Variants in FBLN2 observed in about 807,000 individuals in gnomAD.
FBLN2 encodes fibulin-2.
Under a neutral mutation model 123.7 loss-of-function variants are expected in FBLN2, and 81 were observed. That is an observed-to-expected ratio of 0.65 (90% CI 0.55 to 0.79). The LOEUF is 0.79. Ranked by LOEUF, FBLN2 falls within the 30% of genes least tolerant of loss-of-function variation. FBLN2 has a pLI of 0.00. For missense variants in FBLN2, 1,603 were observed against 1,681.3 expected, an observed-to-expected ratio of 0.95 and a Z score of 0.81; for synonymous variants, 699 against 701.4, an observed-to-expected ratio of 1.00 and a Z score of 0.05.
At chr3:13,549,456 G>A (rs1703264314) in intron 1 of FBLN2, among the ~76,000 whole-genome samples, 1 of 151,758 alleles carries the variant, frequency 6.6e-6, no homozygotes, top group African/African-American at 2.4e-5. Context: ...CGCGGGGTGG[G>A]GGCCAGGGGT....
At chr3:13,615,447 G>T (rs1301837000) in intron 5 of FBLN2, among the ~76,000 whole-genome samples, 2 of 152,212 alleles carry the variant, frequency 1.3e-5, no homozygotes, top group Non-Finnish European at 2.9e-5. Flanking sequence ...CACAGATGAG[G>T]TCCTGGTATC....
rs552499671 is a variant in FBLN2 at position 13,625,876 on chromosome 3, T to G, written c.2297-569T>G. ...CACCCTCTTTCTCCCTTCCCTCCCC[T>G]GCAGCACACCCACCTCCTGGTGGGC... On this transcript the variant is annotated intron_variant, in intron 9 of 17. Coordinates refer to ENST00000404922, the MANE Select transcript of FBLN2 (RefSeq NM_001004019.2). Among the ~76,000 whole-genome samples the G allele has an allele frequency of 1.2e-4, 18 of 151,728 alleles. No individual in the cohort carries two copies. The East Asian group carries it at 3.3e-3, about 28-fold the overall frequency.
intron 1 of FBLN2, among the ~76,000 whole-genome samples, chr3:13,554,608 G>A (rs933126222): frequency 6.6e-6 from 1 of 152,258 alleles, no homozygotes; most frequent in African/African-American, 2.4e-5. Flanking sequence ...AGTCCTCGTG[G>A]TGGTTGGTGT....
intron 1 of FBLN2, among the ~76,000 whole-genome samples, chr3:13,567,682 C>A (rs1023902241): frequency 3.3e-5 from 5 of 150,770 alleles, no homozygotes; most frequent in African/African-American, 1.2e-4. Context: ...TTAAAAGACA[C>A]TGTCAGCTGG....
chr3:13,582,970 C>T (rs1041091128), intron 2 of FBLN2, among the ~76,000 whole-genome samples: 1 of 152,374 alleles, frequency 6.6e-6, no homozygotes. Context: ...GGGGCCGTTC[C>T]GCTGCTATGT....
intron 4 of FBLN2, among the ~76,000 whole-genome samples, chr3:13,612,623 C>T (rs1159427712): frequency 4.0e-5 from 5 of 124,538 alleles, no homozygotes; most frequent in African/African-American, 1.7e-4. Context: ...CCTCGTGATC[C>T]ACCCACCTCG....
At chr3:13,601,158 T>C (rs76435802) in intron 2 of FBLN2, among the ~76,000 whole-genome samples, 4,713 of 152,302 alleles carry the variant, frequency 0.031, 227 homozygotes, top group African/African-American at 0.11. Flanking sequence ...TTGCTAGCGC[T>C]GCTATATTTC....
intron 1 of FBLN2, among the ~76,000 whole-genome samples, chr3:13,562,337 A>G (rs919887348): frequency 1.0e-4 from 15 of 149,744 alleles, no homozygotes; most frequent in African/African-American, 2.9e-4. Context: ...TTGGTAAAAT[A>G]TACGTAACAT....
chr3:13,603,739 T>C (rs1705115726), intron 2 of FBLN2, among the ~76,000 whole-genome samples: 1 of 152,238 alleles, frequency 6.6e-6, no homozygotes, highest in Non-Finnish European at 1.5e-5. Context: ...TATAATCCTT[T>C]GGGTATATAC....
chr3:13,572,787 G>T (rs1704005875), intron 2 of FBLN2, among the ~76,000 whole-genome samples: 1 of 152,276 alleles, frequency 6.6e-6, no homozygotes, highest in African/African-American at 2.4e-5. Context: ...CTGCTAAGCA[G>T]GGGCCACAGC....
chr3:13,603,821 CA>C (rs1324522469), intron 2 of FBLN2, among the ~76,000 whole-genome samples: 4 of 152,240 alleles, frequency 2.6e-5, no homozygotes, highest in African/African-American at 9.7e-5. Context: ...TACTGTCTTC[CA>C]CAATGGTTGA....
intron 2 of FBLN2, among the ~76,000 whole-genome samples, chr3:13,581,365 G>A (rs1704321715): frequency 6.6e-6 from 1 of 152,142 alleles, no homozygotes; most frequent in Non-Finnish European, 1.5e-5. Context: ...CCTGGACGGA[G>A]GTGTTATTTT....
In FBLN2 at chr3:13,608,181, G is replaced by A. The variant is rs1157902860; in HGVS notation, c.1418+8G>A. ...TGAGGACAACGTCTGCAGGTAGGGT[G>A]GGCTCCCTGGAGCAGGCGGAGCTGC... is the stretch of plus-strand genomic sequence containing the variant. On this transcript the variant is annotated splice_region_variant and intron_variant, in intron 3 of 17. Coordinates refer to ENST00000404922, the MANE Select transcript of FBLN2 (RefSeq NM_001004019.2). 1 of 1,564,670 alleles carries A rather than the reference G, an allele frequency of 6.4e-7. No homozygotes were observed. Among genetic ancestry groups the A allele is most frequent in the Non-Finnish European group, 8.7e-7 (1 of 1,152,334 alleles).
intron 1 of FBLN2, among the ~76,000 whole-genome samples, chr3:13,550,081 T>G (rs1367519356): frequency 6.6e-6 from 1 of 152,180 alleles, no homozygotes; most frequent in African/African-American, 2.4e-5. Flanking sequence ...TCACAAACAC[T>G]GGGAGTGCCA....
At chr3:13,609,692 G>GGGGT in intron 4 of FBLN2, 50 bp downstream of exon 4, 6 of 508,388 alleles carry the variant, frequency 1.2e-5, no homozygotes, top group East Asian at 6.4e-5. Flanking sequence ...GGCGGGGCGG[G>GGGGT]AGGCTGGCCT....
At chr3:13,568,921 A>T (rs921429167) in intron 1 of FBLN2, 2 of 985,580 alleles carry the variant, frequency 2.0e-6, no homozygotes, top group Non-Finnish European at 2.4e-6. Flanking sequence ...GGTGCAGAGG[A>T]GGCGTTCCTT....
In FBLN2 at chr3:13,590,642, TC is replaced by T. The variant is rs200873031; in HGVS notation, c.1307-17419del. 3.5e-3 allele frequency among the ~76,000 whole-genome samples: 534 copies of T among 152,308 alleles called. 6 individuals are homozygous for T. Among genetic ancestry groups the T allele is most frequent in the African/African-American group, 0.012 (509 of 41,562 alleles). On this transcript the variant is annotated intron_variant, in intron 2 of 17. Transcript: ENST00000404922. The stretch of plus-strand genomic sequence containing the variant: ...TGCCCAGCCCTGTTTTGTTTTCTGT[TC>T]TTGAATTTATTTTGAATGATGGGAA...
At chr3:13,569,042 G>T in intron 1 of FBLN2, 1 of 985,960 alleles carries the variant, frequency 1.0e-6, no homozygotes, top group Non-Finnish European at 1.2e-6. Context: ...AGGAGCTCTT[G>T]CCTGTGACTT....
intron 2 of FBLN2, among the ~76,000 whole-genome samples, chr3:13,595,603 C>T (rs1166669351): frequency 1.3e-5 from 2 of 152,174 alleles, no homozygotes; most frequent in African/African-American, 2.4e-5. Context: ...GCTGTTTGCT[C>T]AGGCCCCACA....
Sources: allele counts gnomAD v4.1 joint callset (sites outside exome capture counted in the v4.1 genomes callset), GRCh38; gene constraint gnomAD v4.1.1; transcripts MANE v1.5; gene names NCBI Gene and HGNC (gene_info 2026-07-23, HGNC 2026-07-21).